Variants in VEPH1 observed in about 807,000 individuals in gnomAD.
The protein encoded by VEPH1 is ventricular zone-expressed PH domain-containing protein homolog 1.
In VEPH1, 80 loss-of-function variants were observed where a neutral mutation model predicts 85.2. That is an observed-to-expected ratio of 0.94 (90% CI 0.78 to 1.13). The LOEUF (loss-of-function observed/expected upper bound fraction) is 1.13, where lower values mean the gene tolerates loss of function less well. Ranked by LOEUF, VEPH1 falls within the 50% of genes most tolerant of loss-of-function variation. The pLI is 0.00. For missense variants in VEPH1, 955 were observed against 980.5 expected, an observed-to-expected ratio of 0.97 and a Z score of 0.35; for synonymous variants, 297 against 348.0, an observed-to-expected ratio of 0.85 and a Z score of 1.63.
chr3:157,478,734 C>T (rs1297510469), intron 2 of VEPH1, among the ~76,000 whole-genome samples: 1 of 152,270 alleles, frequency 6.6e-6, no homozygotes, highest in East Asian at 1.9e-4. Context: ...AAAAGTTAAG[C>T]AGCTGTCCAT....
chr3:157,455,311 A>T (rs1481803353), intron 4 of VEPH1, among the ~76,000 whole-genome samples: 2 of 152,066 alleles, frequency 1.3e-5, no homozygotes, highest in African/African-American at 4.8e-5. Context: ...ATGGTACCTC[A>T]TTGTGATTTT....
chr3:157,358,765 A>T (rs1725726397), intron 9 of VEPH1, among the ~76,000 whole-genome samples: 1 of 152,230 alleles, frequency 6.6e-6, no homozygotes, highest in African/African-American at 2.4e-5. Flanking sequence ...TGGGAGGCCG[A>T]GATGGGCGGA....
intron 9 of VEPH1, among the ~76,000 whole-genome samples, chr3:157,340,746 C>T (rs1723459651): frequency 6.6e-6 from 1 of 152,246 alleles, no homozygotes; most frequent in Non-Finnish European, 1.5e-5. Context: ...TCCCTGACCC[C>T]TGAGTAGCCT....
rs779771781 is a variant in VEPH1 at position 157,414,008 on chromosome 3, T to C, written c.779A>G (p.Glu260Gly). Residue 260 changes from glutamate to glycine, a missense_variant, in exon 6 of 14, where the codon GAG becomes GGG. Transcript: ENST00000362010. ...AGCCACTGGCTCATAGACTGCTATC[T>C]CTATGAGGATGTTTAGGATGATGTC... is the stretch of plus-strand genomic sequence containing the variant. ...HNDIILNILI[E>G]IAVYEPVALN... 5 of 1,613,590 alleles carry C rather than the reference T, an allele frequency of 3.1e-6. No individual in the cohort carries two copies. Among genetic ancestry groups the C allele is most frequent in the Non-Finnish European group, 4.2e-6 (5 of 1,179,702 alleles).
At chr3:157,444,415 A>G (rs1049565471) in intron 4 of VEPH1, among the ~76,000 whole-genome samples, 2 of 152,214 alleles carry the variant, frequency 1.3e-5, no homozygotes, top group Admixed American at 6.5e-5. Flanking sequence ...ATTTTTGAGT[A>G]TGTTCATCAT....
intron 4 of VEPH1, among the ~76,000 whole-genome samples, chr3:157,450,476 G>C (rs921680908): frequency 3.3e-5 from 5 of 151,804 alleles, no homozygotes; most frequent in African/African-American, 1.2e-4. Context: ...TAGGGCTTCT[G>C]TGCCACAGTA....
At chr3:157,403,372 G>A (rs1730912431) in intron 6 of VEPH1, among the ~76,000 whole-genome samples, 1 of 152,118 alleles carries the variant, frequency 6.6e-6, no homozygotes, top group Non-Finnish European at 1.5e-5. Flanking sequence ...ACAGGAGTGG[G>A]GATGGAGTGA....
At position 157,363,585 on chromosome 3, in the gene VEPH1, T is replaced by C. The variant is rs1726295518; in HGVS notation, c.1514A>G (p.Glu505Gly). 1.2e-6 allele frequency: 2 copies of C among 1,614,094 alleles called. No individual in the cohort carries two copies. The highest frequency in any genetic ancestry group is 1.6e-4 in the Middle Eastern group (1 of 6,062). ...AATATTTGGGTATGAAACTGAAGAC[T>C]CCCCCAGCTGTGATCTCTCAGTGTC... ...KTDTERSQLG[E>G]SSVSYPNIIH... Residue 505 changes from glutamate to glycine, a missense_variant, in exon 9 of 14, where the codon GAG (glutamate) becomes GGG (glycine). By Grantham distance (98) the Glu-to-Gly change is moderately conservative. Coordinates refer to ENST00000362010, the MANE Select transcript of VEPH1 (RefSeq NM_001167912.2).
intron 2 of VEPH1, among the ~76,000 whole-genome samples, chr3:157,494,867 G>A (rs187789361): frequency 1.8e-4 from 27 of 152,162 alleles, no homozygotes; most frequent in African/African-American, 6.0e-4. Flanking sequence ...CTGCTCTGCA[G>A]GTCTGCTTTT....
chr3:157,481,883 A>G (rs1227573546), intron 2 of VEPH1, among the ~76,000 whole-genome samples: 1 of 149,038 alleles, frequency 6.7e-6, no homozygotes, highest in Admixed American at 6.6e-5. Flanking sequence ...ACTTTGTCAA[A>G]ACATTGCTAA....
intron 12 of VEPH1, among the ~76,000 whole-genome samples, chr3:157,280,487 ATGAAAAATAGAAG>A (rs1358508527): frequency 1.3e-4 from 20 of 152,220 alleles, no homozygotes; most frequent in Admixed American, 1.0e-3. Context: ...GTGATGCTGG[ATGAAAAATAGAAG>A]TTAATCCCTG....
intron 9 of VEPH1, among the ~76,000 whole-genome samples, chr3:157,345,404 A>T (rs1158939162): frequency 6.6e-6 from 1 of 152,256 alleles, no homozygotes; most frequent in Non-Finnish European, 1.5e-5. Flanking sequence ...GAAGACATTT[A>T]TGTAGCCAAC....
At chr3:157,272,375 T>TTTTCTTTTCTTTC (rs1714758573) in intron 12 of VEPH1, among the ~76,000 whole-genome samples, 1 of 95,038 alleles carries the variant, frequency 1.1e-5, no homozygotes, top group South Asian at 4.1e-4. Context: ...TTTCTCTTTC[T>TTTTCTTTTCTTTC]TTTCTTTCTT....
intron 13 of VEPH1, among the ~76,000 whole-genome samples, chr3:157,262,895 A>C (rs1287219629): frequency 6.6e-6 from 1 of 152,214 alleles, no homozygotes; most frequent in African/African-American, 2.4e-5. Context: ...GACAGTAATA[A>C]AATTGCATTT....
chr3:157,339,245 CG>C (rs1310711207), intron 9 of VEPH1, among the ~76,000 whole-genome samples: 1 of 152,216 alleles, frequency 6.6e-6, no homozygotes, highest in Non-Finnish European at 1.5e-5. Context: ...GAGACCCCCA[CG>C]GCCTGAGAAT....
chr3:157,393,570 G>A lies in VEPH1; in HGVS notation c.907-12194C>T, dbSNP rs182222761. Among the ~76,000 whole-genome samples, 227 of 152,132 alleles carry A rather than the reference G, an allele frequency of 1.5e-3. 1 individual carries two copies. Among genetic ancestry groups the A allele is most frequent in the Middle Eastern group, 3.4e-3 (1 of 294 alleles). On this transcript the variant is annotated intron_variant, in intron 6 of 13. Coordinates refer to ENST00000362010, the MANE Select transcript of VEPH1 (RefSeq NM_001167912.2). ...TAAAGATTACTGTTTTCAATATCAG[G>A]TATACTATTTGGCACATAGCAAATA...
chr3:157,461,473 T>C (rs969848570), intron 3 of VEPH1, among the ~76,000 whole-genome samples: 1 of 152,224 alleles, frequency 6.6e-6, no homozygotes, highest in African/African-American at 2.4e-5. Context: ...CACTGTTATA[T>C]TCAGATCTTT....
At chr3:157,460,664 AG>A (rs1368322062) in intron 3 of VEPH1, among the ~76,000 whole-genome samples, 1 of 152,176 alleles carries the variant, frequency 6.6e-6, no homozygotes, top group Admixed American at 6.5e-5. Context: ...GACTTCCTGG[AG>A]GGGGTAATGT....
At chr3:157,380,032 A>G (rs1277379757) in intron 7 of VEPH1, among the ~76,000 whole-genome samples, 1 of 152,172 alleles carries the variant, frequency 6.6e-6, no homozygotes, top group East Asian at 1.9e-4. Context: ...CAGAGCAAAA[A>G]CAAATAAAAC....
Sources: allele counts gnomAD v4.1 joint callset (sites outside exome capture counted in the v4.1 genomes callset), GRCh38; gene constraint gnomAD v4.1.1; transcripts MANE v1.5; gene names NCBI Gene and HGNC (gene_info 2026-07-23, HGNC 2026-07-21).